Variants in AGRN observed in about 807,000 individuals in gnomAD.
AGRN encodes agrin proteoglycan.
In AGRN, 106 loss-of-function variants were observed where a neutral mutation model predicts 211.0. The observed-to-expected ratio is 0.50, with a 90% CI of 0.43 to 0.59. AGRN has a LOEUF of 0.59. Ranked by LOEUF, AGRN falls within the 20% of genes least tolerant of loss-of-function variation. The probability of loss-of-function intolerance (pLI) is 0.00; values close to 1 mark genes in which losing one functional copy is unlikely to be tolerated. For missense variants in AGRN, 3,040 were observed against 2,982.6 expected (o/e 1.02, Z -0.45); for synonymous variants, 1,525 against 1,332.5 (o/e 1.14, Z -3.15).
intron 27 of AGRN, 31 bp downstream of exon 27, chr1:1,050,068 G>C (rs79746303): frequency 7.4e-7 from 1 of 1,346,676 alleles, no homozygotes; most frequent in South Asian, 1.3e-5. Flanking sequence ...GGGGCAGGGG[G>C]GGGGGGGGGG....
intron 12 of AGRN, 135 bp downstream of exon 12, chr1:1,044,574 A>G (rs1645038951): frequency 1.0e-6 from 1 of 966,108 alleles, no homozygotes; most frequent in South Asian, 1.6e-5. Flanking sequence ...AGCATCGTCC[A>G]GTGTTGGTGC....
chr1:1,046,096 G>T lies in AGRN; in HGVS notation c.2805+8G>T, dbSNP rs1478441010. ...GAGGCCAACGCTACCAAGGTGAGGG[G>T]TGTGGGATGTGAAGGGGAGTGGGGA... On this transcript the variant is annotated splice_region_variant and intron_variant, in intron 16 of 35. Coordinates refer to ENST00000379370, the MANE Select transcript of AGRN (RefSeq NM_198576.4). 1 of 1,613,926 alleles carries T rather than the reference G, an allele frequency of 6.2e-7. No individual in the cohort carries two copies. The highest frequency in any genetic ancestry group is 8.5e-7 in the Non-Finnish European group (1 of 1,180,022).
intron 7 of AGRN, among the ~76,000 whole-genome samples, chr1:1,042,762 G>A (rs1644979996): frequency 6.6e-6 from 1 of 151,968 alleles, no homozygotes; most frequent in Non-Finnish European, 1.5e-5. Context: ...TGCCCCTGGT[G>A]CGGCAGGGGG....
chr1:1,051,988 C>T (rs1645309297), intron 33 of AGRN, 173 bp downstream of exon 33: 1 of 1,544,044 alleles, frequency 6.5e-7, no homozygotes, highest in Non-Finnish European at 8.7e-7. Flanking sequence ...CTCTTTGTTT[C>T]CAAGCGAACT....
At position 1,020,242 on chromosome 1, in the gene AGRN, C is replaced by A; in HGVS notation, c.70C>A (p.Leu24Met). ...LPLLVVAACV[L>M]PGAGGTCPER... ...GCTCCTTGTGGTGGCCGCGTGCGTC[C>A]TGCCCGGAGCCGGCGGGACATGCCC... Residue 24 changes from leucine (L) to methionine (M), a missense_variant, in exon 1 of 36, where the codon CTG becomes ATG. Coordinates refer to ENST00000379370, the MANE Select transcript of AGRN (RefSeq NM_198576.4). The A allele has an allele frequency of 1.4e-6, 2 of 1,448,246 alleles. No homozygotes were observed. The highest frequency in any genetic ancestry group is 2.5e-5 in the Admixed American group (1 of 40,516). The allele number at this position is 1,448,246 out of a possible 1,614,324, so 89.7% of individuals were successfully genotyped here. A position where few individuals can be genotyped will look rare whatever the true frequency, so the allele number is the denominator to read the frequency against.
chr1:1,026,045 C>T (rs992987611), intron 2 of AGRN, among the ~76,000 whole-genome samples: 3 of 152,056 alleles, frequency 2.0e-5, no homozygotes, highest in South Asian at 2.1e-4. Context: ...GTAGGGGAAT[C>T]GGGTTGGTCA....
At position 1,052,174 on chromosome 1, in the gene AGRN, A is replaced by G. The variant is rs1022972063; in HGVS notation, c.5651+359A>G. The G allele has an allele frequency of 4.3e-6, 4 of 921,168 alleles. No homozygotes were observed. In the East Asian group the frequency reaches 1.7e-4, roughly 38 times the overall value. The allele number at this position is 921,168 out of a possible 1,614,324, so 57.1% of individuals were successfully genotyped here. On this transcript the variant is annotated intron_variant, in intron 33 of 35. Transcript: ENST00000379370. ...GCTGCAAGAGGCCGTTTCCTGCCTCAGAAGTGCAGTCGCCCCTCCCAGGGC... is the reference window on the plus strand; with the variant it reads ...GCTGCAAGAGGCCGTTTCCTGCCTCGGAAGTGCAGTCGCCCCTCCCAGGGC...
At chr1:1,045,055 G>T in intron 12 of AGRN, 106 bp from the exon 13 acceptor site, 1 of 1,272,472 alleles carries the variant, frequency 7.9e-7, no homozygotes, top group Non-Finnish European at 1.1e-6. Context: ...AGCTGGGATC[G>T]GGACGGCTGA....
chr1:1,045,622 C>G, intron 14 of AGRN, 99 bp downstream of exon 14: 1 of 1,606,334 alleles, frequency 6.2e-7, no homozygotes, highest in Non-Finnish European at 8.5e-7. Flanking sequence ...CTGGCCTGAC[C>G]CACACCTGGC....
chr1:1,053,551 CG>C, intron 33 of AGRN: 3 of 1,527,948 alleles, frequency 2.0e-6, no homozygotes, highest in Non-Finnish European at 2.6e-6. Flanking sequence ...TCCTCCCGCC[CG>C]TCTCTCTGAT....
Position 1,053,759 on chromosome 1 carries a change from G to C in AGRN, c.5658G>C (p.Lys1886Asn). Residue 1886 changes from lysine to asparagine, a missense_variant, in exon 34 of 36, where the codon AAG becomes AAC. By Grantham distance (94) the Lys-to-Asn change is moderately conservative. Around this residue, in one of 3 missense-constraint regions of AGRN, gnomAD observed 1,537 missense variants for 1,505.0 expected, o/e 1.02. Coordinates refer to ENST00000379370, the MANE Select transcript of AGRN (RefSeq NM_198576.4). ...CCTGCCCTCTGCCCTCCAGCGAGAAGGCACTGCAGAGCAACCACTTTGAAC... is the reference window on the plus strand; with the variant it reads ...CCTGCCCTCTGCCCTCCAGCGAGAACGCACTGCAGAGCAACCACTTTGAAC... Reference protein sequence around the residue: ...EYLNAVTESEKALQSNHFELS... With the variant: ...EYLNAVTESENALQSNHFELS... The C allele has an allele frequency of 6.2e-7, 1 of 1,603,564 alleles. No individual in the cohort carries two copies. Among genetic ancestry groups the C allele is most frequent in the Non-Finnish European group, 8.5e-7 (1 of 1,176,002 alleles).
intron 10 of AGRN, 30 bp from the exon 11 acceptor site, chr1:1,044,079 C>T: frequency 1.2e-6 from 2 of 1,613,040 alleles, no homozygotes; most frequent in South Asian, 1.1e-5. Flanking sequence ...ACAAGAAGCC[C>T]CTGGGTGACT....
chr1:1,046,094 G>A lies in AGRN; in HGVS notation c.2805+6G>A. The A allele has an allele frequency of 1.9e-6, 3 of 1,614,036 alleles. No homozygotes were observed. The South Asian group carries it at 3.3e-5, about 18-fold the overall frequency. ...CAGAGGCCAACGCTACCAAGGTGAG[G>A]GGTGTGGGATGTGAAGGGGAGTGGG... On this transcript the variant is annotated splice_donor_region_variant and intron_variant, in intron 16 of 35. Transcript: ENST00000379370.
Position 1,040,797 on chromosome 1 carries a change from C to A in AGRN, c.644C>A (p.Ser215Tyr). The A allele has an allele frequency of 1.9e-6, 3 of 1,539,372 alleles. No homozygotes were observed. ...GCGCCTGTGTGTGGGTCGGACGCCT[C>A]CACCTACAGCAACGAATGCGAGCTG... Reference protein sequence around the residue: ...VVAPVCGSDASTYSNECELQR... With the variant: ...VVAPVCGSDAYTYSNECELQR... Residue 215 changes from serine to tyrosine, a missense_variant, in exon 4 of 36, where the codon TCC (serine) becomes TAC (tyrosine). Ser to Tyr is a moderately radical substitution (Grantham distance 144, BLOSUM62 -2). Coordinates refer to ENST00000379370, the MANE Select transcript of AGRN (RefSeq NM_198576.4).
chr1:1,024,461 C>G (rs1644475793), intron 2 of AGRN, among the ~76,000 whole-genome samples: 1 of 152,082 alleles, frequency 6.6e-6, no homozygotes, highest in African/African-American at 2.4e-5. Context: ...CCATCTGACT[C>G]CGACCCCACC....
At chr1:1,047,973 C>T (rs1248516372) in intron 22 of AGRN, 39 bp from the exon 23 acceptor site, 2 of 1,570,906 alleles carry the variant, frequency 1.3e-6, no homozygotes, top group Admixed American at 1.9e-5. Flanking sequence ...CTTCCTGGCC[C>T]TGCTCCCAGG....
rs1644678009 is a variant in AGRN at position 1,031,572 on chromosome 1, C to T, written c.464-3705C>T. 6.6e-6 allele frequency among the ~76,000 whole-genome samples: 1 copy of T among 152,164 alleles called. No individual in the cohort carries two copies. The highest frequency in any genetic ancestry group is 1.5e-5 in the Non-Finnish European group (1 of 68,008). On this transcript the variant is annotated intron_variant, in intron 2 of 35. Transcript: ENST00000379370. This position sits in a 1 kb window ranked among gnomAD's most constrained non-coding sequence, Gnocchi z 4.8. ...CCTGGTTCCCCTTCCCCTGGCCCAG[C>T]CCAAGGGGCCCTAAGCCTCATTCCA...
intron 28 of AGRN, 26 bp from the exon 29 acceptor site, chr1:1,050,401 G>A (rs762215249): frequency 6.2e-7 from 1 of 1,612,758 alleles, no homozygotes; most frequent in South Asian, 1.1e-5. Context: ...GGACAGCAAA[G>A]ACACCCCGAC....
intron 2 of AGRN, among the ~76,000 whole-genome samples, chr1:1,029,626 A>AGC (rs1553172551): frequency 1.1e-5 from 1 of 93,772 alleles, no homozygotes; most frequent in Non-Finnish European, 2.2e-5. Flanking sequence ...CTGTGAGATC[A>AGC]GCATGTGTGT....
Sources: allele counts gnomAD v4.1 joint callset (sites outside exome capture counted in the v4.1 genomes callset), GRCh38; gene constraint gnomAD v4.1.1; regional missense constraint gnomAD v4.1.1; non-coding constraint Gnocchi (gnomAD v3.1); transcripts MANE v1.5; gene names NCBI Gene and HGNC (gene_info 2026-07-23, HGNC 2026-07-21).